Variants in CLTCL1 observed in about 807,000 individuals in gnomAD.
CLTCL1 encodes the protein clathrin heavy chain 2.
CLTCL1 carries 159 observed loss-of-function variants against 190.0 expected under a neutral mutation model. That is an observed-to-expected ratio of 0.84 (90% CI 0.74 to 0.95). CLTCL1 has a LOEUF of 0.95. Among genes scored for constraint, CLTCL1 ranks in the 40% least tolerant of loss-of-function variants. The probability of loss-of-function intolerance (pLI) is 0.00; values close to 1 mark genes in which losing one functional copy is unlikely to be tolerated. For synonymous variants in CLTCL1, 752 were observed against 769.6 expected (o/e 0.98, Z 0.38); for missense variants, 1,878 against 2,033.4 (o/e 0.92, Z 1.47).
chr22:19,279,455 A>G (rs2087631152), intron 1 of CLTCL1, among the ~76,000 whole-genome samples: 1 of 152,240 alleles, frequency 6.6e-6, no homozygotes, highest in African/African-American at 2.4e-5. Flanking sequence ...ATTCCAGAAG[A>G]TAAGACTGCT....
intron 18 of CLTCL1, among the ~76,000 whole-genome samples, chr22:19,219,540 G>A (rs2085501346): frequency 6.6e-6 from 1 of 151,674 alleles, no homozygotes; most frequent in Non-Finnish European, 1.5e-5. Context: ...CTGGAGTGCA[G>A]TGGCACGATG....
intron 27 of CLTCL1, 63 bp from the exon 28 acceptor site, chr22:19,188,154 G>T: frequency 1.4e-6 from 2 of 1,408,058 alleles, no homozygotes; most frequent in South Asian, 1.2e-5. Context: ...ACTAGGCAGG[G>T]GCACAGGTGG....
chr22:19,234,721 C>A lies in CLTCL1; in HGVS notation c.970-15G>T, dbSNP rs1555961125. The A allele has an allele frequency of 6.2e-7, 1 of 1,608,946 alleles. No individual in the cohort carries two copies. Among genetic ancestry groups the A allele is most frequent in the African/African-American group, 1.3e-5 (1 of 74,962 alleles). Reference sequence around the variant, plus strand: ...ACTGACAGTACCTGTAAGGACACAACAAGTGAGAGCAGCCCGGCCTAGAAG... The same window carrying A: ...ACTGACAGTACCTGTAAGGACACAAAAAGTGAGAGCAGCCCGGCCTAGAAG... On this transcript the variant is annotated splice_polypyrimidine_tract_variant and intron_variant, in intron 6 of 32. Coordinates refer to ENST00000427926, the MANE Select transcript of CLTCL1 (RefSeq NM_007098.4).
chr22:19,282,809 G>A (rs564800880), intron 1 of CLTCL1, among the ~76,000 whole-genome samples: 21 of 151,276 alleles, frequency 1.4e-4, no homozygotes, highest in East Asian at 1.9e-4. Context: ...TTCTCCATAC[G>A]CAGGAACTAA....
Position 19,223,996 on chromosome 22 carries a change from C to T in CLTCL1, c.2187G>A (p.Leu729=). The T allele has an allele frequency of 6.2e-7, 1 of 1,614,002 alleles. No individual in the cohort carries two copies. Among genetic ancestry groups the T allele is most frequent in the Non-Finnish European group, 8.5e-7 (1 of 1,179,892 alleles). ...TCTTACAGGCAGCCTGAATGTATTT[C>T]AGATGCACATCTGGGTCTTGGCTGA... ...VNFSQDPDVH[L]KYIQAACKTG... Residue 729 remains leucine, a synonymous_variant, in exon 14 of 33, where the codon CTG becomes CTA. Transcript: ENST00000427926.
chr22:19,258,864 TAA>T, intron 2 of CLTCL1: 1 of 504,098 alleles, frequency 2.0e-6, no homozygotes, highest in South Asian at 2.3e-5. Context: ...GTTCACAGGT[TAA>T]AAAAAACCCC....
chr22:19,239,383 G>A lies in CLTCL1; in HGVS notation c.687C>T (p.His229=). 2 of 1,613,140 alleles carry A rather than the reference G, an allele frequency of 1.2e-6. No homozygotes were observed. The highest frequency in any genetic ancestry group is 1.1e-5 in the South Asian group (1 of 91,070). The part of the protein sequence containing the change: ...AVRNPTGGKL[H]IIEVGQPAAG... ...CTGCAGGCTGTCCAACTTCAATGAT[G>A]TGCAACTAGAAGAGAGATTTTAGGT... Residue 229 remains histidine, a synonymous_variant, in exon 5 of 33, where the codon CAC becomes CAT. Coordinates refer to ENST00000427926, the MANE Select transcript of CLTCL1 (RefSeq NM_007098.4).
At chr22:19,208,848 CTCT>C (rs1250650496) in intron 21 of CLTCL1, 71 bp downstream of exon 21, 38 of 1,231,744 alleles carry the variant, frequency 3.1e-5, no homozygotes, top group Non-Finnish European at 4.1e-5. Flanking sequence ...TTGTGAGAAT[CTCT>C]TCAACTTCTT....
chr22:19,280,431 C>A (rs782107750), intron 1 of CLTCL1, among the ~76,000 whole-genome samples: 4 of 151,826 alleles, frequency 2.6e-5, no homozygotes, highest in Non-Finnish European at 4.4e-5. Flanking sequence ...ATGTGTTATA[C>A]ACATGCAATA....
chr22:19,180,272 GAC>G, intron 31 of CLTCL1, 34 bp from the exon 32 acceptor site: 1 of 1,613,098 alleles, frequency 6.2e-7, no homozygotes. Context: ...ATGGTGGAAG[GAC>G]ACACTCAGCC....
At chr22:19,257,525 T>A in intron 2 of CLTCL1, 1 of 303,698 alleles carries the variant, frequency 3.3e-6, no homozygotes, top group African/African-American at 2.2e-5. Context: ...ACAGCATGAG[T>A]TTCACCACTC....
At chr22:19,267,247 C>T (rs1248793008) in intron 2 of CLTCL1, among the ~76,000 whole-genome samples, 1 of 151,998 alleles carries the variant, frequency 6.6e-6, no homozygotes, top group Non-Finnish European at 1.5e-5. Flanking sequence ...GAATAAAATA[C>T]TTGGGAATAA....
chr22:19,245,089 A>G (rs1041354557), intron 3 of CLTCL1, among the ~76,000 whole-genome samples: 2 of 152,076 alleles, frequency 1.3e-5, no homozygotes, highest in South Asian at 4.1e-4. Context: ...ACCAGGTGAC[A>G]GGAACAGAAG....
In CLTCL1 at chr22:19,183,561, C is replaced by T; in HGVS notation, c.4656G>A (p.Lys1552=). Reference sequence around the variant, plus strand: ...CTTCCTCCAGGAACCACTGCAGCAACTTCTGGGCCAGCTCAGCATCCCGCG... The same window carrying T: ...CTTCCTCCAGGAACCACTGCAGCAATTTCTGGGCCAGCTCAGCATCCCGCG... The part of the protein sequence containing the change: ...AESRDAELAQ[K]LLQWFLEEGK... Residue 1552 remains lysine, a synonymous_variant, in exon 30 of 33, where the codon AAG becomes AAA. Coordinates refer to ENST00000427926, the MANE Select transcript of CLTCL1 (RefSeq NM_007098.4). The T allele has an allele frequency of 6.2e-7, 1 of 1,613,828 alleles. No homozygotes were observed. The highest frequency in any genetic ancestry group is 8.5e-7 in the Non-Finnish European group (1 of 1,179,900).
chr22:19,265,237 T>C (rs1272069424), intron 2 of CLTCL1, among the ~76,000 whole-genome samples: 8 of 152,214 alleles, frequency 5.3e-5, no homozygotes, highest in Non-Finnish European at 8.8e-5. Flanking sequence ...GGACATAATT[T>C]AGGTGTGATG....
intron 2 of CLTCL1, among the ~76,000 whole-genome samples, chr22:19,267,306 C>T (rs2087151075): frequency 6.6e-6 from 1 of 152,012 alleles, no homozygotes; most frequent in Non-Finnish European, 1.5e-5. Context: ...CAAAACATCA[C>T]TGAAAGAAAT....
chr22:19,291,663 G>C lies in CLTCL1; in HGVS notation c.-22C>G. On this transcript the variant is annotated 5_prime_UTR_variant, in exon 1 of 33. Transcript: ENST00000427926. The stretch of plus-strand genomic sequence containing the variant: ...CCATGGCTGGTGCGGGACCTCGGCG[G>C]CGGCGGCGGCAGCGGCAGGAATGAA... 1 of 1,365,736 alleles carries C rather than the reference G, an allele frequency of 7.3e-7. No individual in the cohort carries two copies. The highest frequency in any genetic ancestry group is 9.6e-7 in the Non-Finnish European group (1 of 1,046,604). The allele number at this position is 1,365,736 out of a possible 1,614,324, so 84.6% of individuals were successfully genotyped here.
intron 26 of CLTCL1, among the ~76,000 whole-genome samples, chr22:19,192,542 T>C (rs533112200): frequency 6.6e-6 from 1 of 152,332 alleles, no homozygotes; most frequent in East Asian, 1.9e-4. Flanking sequence ...GCTAAAGTCA[T>C]GCTGGGATCC....
intron 14 of CLTCL1, among the ~76,000 whole-genome samples, chr22:19,223,154 C>T (rs551726194): frequency 6.6e-6 from 1 of 152,216 alleles, no homozygotes; most frequent in African/African-American, 2.4e-5. Flanking sequence ...GCTGCCTTTT[C>T]AGACACGCAG....
Sources: allele counts gnomAD v4.1 joint callset (sites outside exome capture counted in the v4.1 genomes callset), GRCh38; gene constraint gnomAD v4.1.1; transcripts MANE v1.5; gene names NCBI Gene and HGNC (gene_info 2026-07-23, HGNC 2026-07-21).